Variants in CMSS1 observed in about 807,000 individuals in gnomAD.
CMSS1 encodes the protein cms1 ribosomal small subunit homolog, also known as protein CMSS1.
CMSS1 carries 33 observed loss-of-function variants against 43.5 expected under a neutral mutation model. That is an observed-to-expected ratio of 0.76 (90% CI 0.57 to 1.01). The LOEUF (loss-of-function observed/expected upper bound fraction) is 1.01. Ranked by LOEUF, CMSS1 falls within the 50% of genes least tolerant of loss-of-function variation. The pLI, the probability that CMSS1 is intolerant of heterozygous loss-of-function variation, is 0.00. For synonymous variants in CMSS1, 115 were observed against 117.2 expected (o/e 0.98, Z 0.12); for missense variants, 313 against 326.4 (o/e 0.96, Z 0.32).
intron 1 of CMSS1, among the ~76,000 whole-genome samples, chr3:99,975,752 C>A (rs1708951110): frequency 6.6e-6 from 1 of 152,144 alleles, no homozygotes; most frequent in South Asian, 2.1e-4. Context: ...ATATCAAGGT[C>A]ATTCTAATAG....
At chr3:100,043,160 C>T (rs1364202763) in intron 1 of CMSS1, among the ~76,000 whole-genome samples, 2 of 152,200 alleles carry the variant, frequency 1.3e-5, no homozygotes, top group African/African-American at 4.8e-5. Context: ...ACTCCCCAGT[C>T]CTCAAAGCTC....
intron 1 of CMSS1, among the ~76,000 whole-genome samples, chr3:100,087,832 CTTTT>C (rs755041519): frequency 2.6e-5 from 3 of 114,118 alleles, no homozygotes; most frequent in African/African-American, 9.6e-5. Context: ...ATTGTTTCAA[CTTTT>C]TTTTTTTTTT....
intron 2 of CMSS1, among the ~76,000 whole-genome samples, chr3:100,149,043 A>AG: frequency 6.6e-6 from 1 of 152,046 alleles, no homozygotes; most frequent in South Asian, 2.1e-4. Context: ...CCTCTAATCA[A>AG]TGTCTACCTA....
intron 1 of CMSS1, among the ~76,000 whole-genome samples, chr3:100,137,756 C>T (rs949794047): frequency 6.6e-6 from 1 of 151,944 alleles, no homozygotes; most frequent in East Asian, 1.9e-4. Context: ...TTAGTAGAGA[C>T]GGGGTTTCAC....
intron 1 of CMSS1, among the ~76,000 whole-genome samples, chr3:100,138,963 C>A (rs2066779034): frequency 6.6e-6 from 1 of 152,170 alleles, no homozygotes; most frequent in Admixed American, 6.5e-5. Context: ...TGATGATAGA[C>A]TGGATGAAGA....
chr3:99,882,803 G>A (rs542847443), intron 1 of CMSS1, among the ~76,000 whole-genome samples: 1 of 152,270 alleles, frequency 6.6e-6, no homozygotes, highest in South Asian at 2.1e-4. Flanking sequence ...AACTAATTTG[G>A]AACATTAATG....
intron 1 of CMSS1, among the ~76,000 whole-genome samples, chr3:99,874,002 T>G (rs1158647719): frequency 6.6e-6 from 1 of 152,238 alleles, no homozygotes; most frequent in Non-Finnish European, 1.5e-5. Context: ...AAATTGCTCA[T>G]CCAAAGAGCC....
At chr3:99,980,174 T>C (rs1323007378) in intron 1 of CMSS1, among the ~76,000 whole-genome samples, 1 of 152,102 alleles carries the variant, frequency 6.6e-6, no homozygotes, top group Admixed American at 6.5e-5. Context: ...TTGGAGTAGT[T>C]TATTGGACAC....
At chr3:99,912,766 T>G (rs576519634) in intron 1 of CMSS1, among the ~76,000 whole-genome samples, 1 of 152,330 alleles carries the variant, frequency 6.6e-6, no homozygotes, top group East Asian at 1.9e-4. Context: ...GATGGACATT[T>G]GGGTTGTTTT....
chr3:99,844,811 G>A (rs1458348119), intron 1 of CMSS1, among the ~76,000 whole-genome samples: 1 of 152,146 alleles, frequency 6.6e-6, no homozygotes, highest in East Asian at 1.9e-4. Flanking sequence ...GTTCTCATGA[G>A]ACCTGATGGT....
At chr3:99,876,164 C>T (rs1466835816) in intron 1 of CMSS1, 3 of 985,510 alleles carry the variant, frequency 3.0e-6, no homozygotes, top group African/African-American at 1.7e-5. Flanking sequence ...GAGAGTCGCC[C>T]GAACAATGCG....
chr3:99,938,675 C>G (rs1024318286), intron 1 of CMSS1, among the ~76,000 whole-genome samples: 1 of 152,074 alleles, frequency 6.6e-6, no homozygotes, highest in Admixed American at 6.5e-5. Flanking sequence ...AGCTGGTTGG[C>G]CCCTTTAATA....
intron 3 of CMSS1, among the ~76,000 whole-genome samples, chr3:100,161,829 C>G (rs1425612669): frequency 6.6e-6 from 1 of 152,184 alleles, no homozygotes; most frequent in African/African-American, 2.4e-5. Flanking sequence ...GTCCCCTTCT[C>G]AGTAGGCCCC....
chr3:99,909,053 G>A (rs139315911), intron 1 of CMSS1, among the ~76,000 whole-genome samples: 168 of 152,272 alleles, frequency 1.1e-3, no homozygotes, highest in Middle Eastern at 3.4e-3. Context: ...TGTGTGCACA[G>A]GCCATCAAAG....
rs776132796 is a variant in CMSS1, at chr3:99,848,676, G to A, written c.64+30633G>A. On this transcript the variant is annotated intron_variant, in intron 1 of 9. Coordinates refer to ENST00000421999, the MANE Select transcript of CMSS1 (RefSeq NM_032359.4). ...CAGTCACAGCCAAAACCTGAATAGG[G>A]GACATTGTCCTTTCTGGAGTTAGAG... 4 of 1,614,132 alleles carry A rather than the reference G, an allele frequency of 2.5e-6. No individual in the cohort carries two copies. The South Asian group carries it at 4.4e-5, about 18-fold the overall frequency.
intron 1 of CMSS1, among the ~76,000 whole-genome samples, chr3:100,106,393 A>G (rs1033598977): frequency 6.6e-6 from 1 of 152,162 alleles, no homozygotes; most frequent in Non-Finnish European, 1.5e-5. Flanking sequence ...CCATCTAGCC[A>G]GATTTATTAA....
At chr3:100,112,506 TAAATTTATTGC>T (rs1247660327) in intron 1 of CMSS1, among the ~76,000 whole-genome samples, 7 of 152,252 alleles carry the variant, frequency 4.6e-5, no homozygotes, top group Non-Finnish European at 1.0e-4. Context: ...ATTTATTACT[TAAATTTATTGC>T]TAATTTATTG....
At chr3:100,007,438 T>A (rs1710019496) in intron 1 of CMSS1, among the ~76,000 whole-genome samples, 1 of 152,140 alleles carries the variant, frequency 6.6e-6, no homozygotes, top group South Asian at 2.1e-4. Flanking sequence ...CTTGCTTGTA[T>A]ATCTCCCACC....
intron 1 of CMSS1, among the ~76,000 whole-genome samples, chr3:99,940,883 T>G (rs984402303): frequency 6.6e-6 from 1 of 152,222 alleles, no homozygotes; most frequent in Non-Finnish European, 1.5e-5. Context: ...GTCTTCCCTT[T>G]CTTTCATCTA....
Sources: gnomAD v4.1 joint callset for allele counts (sites outside exome capture counted in the v4.1 genomes callset) on GRCh38, gnomAD v4.1.1 for gene constraint, MANE v1.5 for transcripts, NCBI Gene and HGNC (gene_info 2026-07-23, HGNC 2026-07-21) for gene names.